SLC41A2: variants seen among roughly 807,000 people sequenced by gnomAD.
SLC41A2 encodes the protein SLC41A1-like 1.
A neutral mutation model predicts 58.3 loss-of-function variants in SLC41A2; 32 were observed. The observed-to-expected ratio is 0.55, with a 90% CI of 0.41 to 0.74. The LOEUF is 0.74. Among genes scored for constraint, SLC41A2 ranks in the 30% least tolerant of loss-of-function variants. The pLI is 0.00. For synonymous variants in SLC41A2, 190 were observed against 235.0 expected (o/e 0.81, Z 1.75); for missense variants, 514 against 680.6 (o/e 0.76, Z 2.72).
intron 10 of SLC41A2, among the ~76,000 whole-genome samples, chr12:104,826,059 T>C (rs957650687): frequency 2.0e-5 from 3 of 152,128 alleles, no homozygotes; most frequent in African/African-American, 7.2e-5. Context: ...CTCCATCACA[T>C]CCTGAGTTTT....
chr12:104,835,851 A>AT (rs5800638), intron 10 of SLC41A2, among the ~76,000 whole-genome samples: 79,970 of 150,314 alleles, frequency 0.53, 21,552 homozygotes, highest in Middle Eastern at 0.58. Context: ...ACAAAGCATC[A>AT]TTTTTTTTTT....
intron 1 of SLC41A2, among the ~76,000 whole-genome samples, chr12:104,953,522 T>C (rs2048033217): frequency 6.6e-6 from 1 of 152,228 alleles, no homozygotes. Context: ...ACCCGTGAGC[T>C]CTCACTGGCT....
chr12:104,863,044 T>C (rs2136432144), intron 7 of SLC41A2, among the ~76,000 whole-genome samples: 1 of 152,356 alleles, frequency 6.6e-6, no homozygotes, highest in East Asian at 1.9e-4. Context: ...ACCCAGCTTT[T>C]TTACTATATA....
chr12:104,884,420 C>T lies in SLC41A2; in HGVS notation c.1027+1873G>A, dbSNP rs555569676. Among the ~76,000 whole-genome samples, 5 of 152,252 alleles carry T rather than the reference C, an allele frequency of 3.3e-5. No homozygotes were observed. The East Asian group carries it at 7.7e-4, about 23-fold the overall frequency. On this transcript the variant is annotated intron_variant, in intron 6 of 10. Coordinates refer to ENST00000258538, the MANE Select transcript of SLC41A2 (RefSeq NM_001352171.3). The stretch of plus-strand genomic sequence containing the variant: ...AAATGCAGAAATCACCCATCTTCTG[C>T]GTCGCTCACTGAGAGCTGTAGACTG...
chr12:104,917,967 TATA>T (rs1195385397), intron 2 of SLC41A2, among the ~76,000 whole-genome samples: 1 of 147,996 alleles, frequency 6.8e-6, no homozygotes, highest in African/African-American at 2.5e-5. Context: ...AAACTTAAAG[TATA>T]ATAATAAAAT....
intron 10 of SLC41A2, among the ~76,000 whole-genome samples, chr12:104,821,471 T>G (rs758038565): frequency 4.6e-5 from 7 of 152,196 alleles, no homozygotes; most frequent in Non-Finnish European, 8.8e-5. Flanking sequence ...GTTGAATACA[T>G]TGTGGAATAT....
chr12:104,841,746 A>T (rs2042417478), intron 10 of SLC41A2, among the ~76,000 whole-genome samples: 1 of 152,136 alleles, frequency 6.6e-6, no homozygotes, highest in African/African-American at 2.4e-5. Context: ...TCCTTCAAAT[A>T]GATTTCCTTC....
chr12:104,863,501 C>T (rs2043290692), intron 7 of SLC41A2, among the ~76,000 whole-genome samples: 2 of 152,072 alleles, frequency 1.3e-5, no homozygotes, highest in African/African-American at 4.8e-5. Flanking sequence ...GTCCCTAGCC[C>T]CACCTCCAGG....
At chr12:104,825,583 T>C (rs567465372) in intron 10 of SLC41A2, among the ~76,000 whole-genome samples, 44 of 152,286 alleles carry the variant, frequency 2.9e-4, no homozygotes, top group African/African-American at 1.1e-3. Context: ...ACTCTGTTTC[T>C]GATATGGAAG....
chr12:104,913,204 A>C (rs150977041), intron 2 of SLC41A2, among the ~76,000 whole-genome samples: 202 of 152,302 alleles, frequency 1.3e-3, no homozygotes, highest in Middle Eastern at 6.8e-3. Context: ...ATAAAAATCC[A>C]AATGCCCCAA....
chr12:104,861,661 G>A (rs749994659), intron 7 of SLC41A2, among the ~76,000 whole-genome samples: 19 of 152,160 alleles, frequency 1.2e-4, no homozygotes, highest in Non-Finnish European at 2.4e-4. Flanking sequence ...AACAGTATAC[G>A]AGAAATTATT....
chr12:104,899,089 T>C (rs2045437353), intron 3 of SLC41A2, among the ~76,000 whole-genome samples: 1 of 152,228 alleles, frequency 6.6e-6, no homozygotes. Flanking sequence ...TGCAAAATGG[T>C]ACTCTTCACT....
At chr12:104,906,961 C>A (rs1343588138) in intron 3 of SLC41A2, among the ~76,000 whole-genome samples, 1 of 152,184 alleles carries the variant, frequency 6.6e-6, no homozygotes, top group African/African-American at 2.4e-5. Flanking sequence ...AAATAGCCCT[C>A]AGGAATCATC....
At chr12:104,916,951 A>G (rs1473239177) in intron 2 of SLC41A2, among the ~76,000 whole-genome samples, 4 of 151,274 alleles carry the variant, frequency 2.6e-5, no homozygotes, top group African/African-American at 9.7e-5. Context: ...AAGCAATGGC[A>G]ACAAAAGCCA....
At chr12:104,875,247 A>G (rs2043989505) in intron 6 of SLC41A2, among the ~76,000 whole-genome samples, 1 of 152,162 alleles carries the variant, frequency 6.6e-6, no homozygotes, top group Admixed American at 6.5e-5. Flanking sequence ...GTTCATCAGA[A>G]ATATTAGCCT....
chr12:104,923,451 A>G (rs1168893314), intron 2 of SLC41A2, among the ~76,000 whole-genome samples: 2 of 151,736 alleles, frequency 1.3e-5, no homozygotes, highest in African/African-American at 4.8e-5. Flanking sequence ...TTCAAACCCC[A>G]AATTAGTAGA....
chr12:104,813,250 G>C (rs749008682), intron 10 of SLC41A2, among the ~76,000 whole-genome samples: 1 of 151,996 alleles, frequency 6.6e-6, no homozygotes, highest in Non-Finnish European at 1.5e-5. Flanking sequence ...ATATGGTAAT[G>C]ATCTCCAGAA....
In SLC41A2 at chr12:104,899,889, T is replaced by TTTG. The variant is rs998241109; in HGVS notation, c.664-4547_664-4545dup. Among the ~76,000 whole-genome samples the TTTG allele has an allele frequency of 7.9e-5, 12 of 152,222 alleles. No homozygotes were observed. The South Asian group carries it at 2.5e-3, about 32-fold the overall frequency. ...CATTTCTGCCTACTTTTTTGTTGTT[T>TTTG]TTGTTGTTGTTGTTGTGGCTGTTGT... On this transcript the variant is annotated intron_variant, in intron 3 of 10. Coordinates refer to ENST00000258538, the MANE Select transcript of SLC41A2 (RefSeq NM_001352171.3).
rs1362733197 is a variant in SLC41A2, at chr12:104,805,098, G to A, written c.*54C>T. The A allele has an allele frequency of 2.1e-6, 3 of 1,440,270 alleles. No homozygotes were observed. Among genetic ancestry groups the A allele is most frequent in the South Asian group, 1.4e-5 (1 of 71,996 alleles). 89.2% of individuals were successfully genotyped at this position (1,440,270 alleles called of 1,614,324 possible). On this transcript the variant is annotated 3_prime_UTR_variant, in exon 11 of 11. Coordinates refer to ENST00000258538, the MANE Select transcript of SLC41A2 (RefSeq NM_001352171.3). ...TAAGAGTTTTGAAAAAGAGCCATAA[G>A]TGGTTGTCGTGTATTTTCTTCCTTG...
Sources: allele counts gnomAD v4.1 joint callset (sites outside exome capture counted in the v4.1 genomes callset), GRCh38; gene constraint gnomAD v4.1.1; transcripts MANE v1.5; gene names NCBI Gene and HGNC (gene_info 2026-07-23, HGNC 2026-07-21).